Variants in MCMDC2 observed in about 807,000 individuals in gnomAD.
MCMDC2 encodes minichromosome maintenance domain containing 2, also known as minichromosome maintenance domain-containing protein 2.
Under a neutral mutation model 75.8 loss-of-function variants are expected in MCMDC2, and 54 were observed. That is an observed-to-expected ratio of 0.71 (90% confidence interval 0.57 to 0.89). The LOEUF is 0.89. Ranked by LOEUF, MCMDC2 falls within the 40% of genes least tolerant of loss-of-function variation. The pLI is 0.00. For synonymous variants in MCMDC2, 249 were observed against 274.6 expected (o/e 0.91, Z 0.92); for missense variants, 656 against 780.4 (o/e 0.84, Z 1.90).
At chr8:66,917,130 A>G (rs2130873611) in intron 14 of MCMDC2, among the ~76,000 whole-genome samples, 1 of 152,272 alleles carries the variant, frequency 6.6e-6, no homozygotes, top group East Asian at 1.9e-4. Flanking sequence ...GTGTCTTGTG[A>G]CACTATGTAT....
At position 66,878,595 on chromosome 8, in the gene MCMDC2, A is replaced by C; in HGVS notation, c.503A>C (p.His168Pro). 6.3e-7 allele frequency: 1 copy of C among 1,578,484 alleles called. No individual in the cohort carries two copies. Among genetic ancestry groups the C allele is most frequent in the Non-Finnish European group, 8.6e-7 (1 of 1,167,086 alleles). ...LSKGFQYIRVHVPGATESATI... is the reference protein window; with the variant it reads ...LSKGFQYIRVPVPGATESATI... Reference sequence around the variant, plus strand: ...TCAGGATTTCAGTATATAAGAGTGCATGTGCCTGGTGCTACAGAATCTGCA... The same window carrying C: ...TCAGGATTTCAGTATATAAGAGTGCCTGTGCCTGGTGCTACAGAATCTGCA... The change falls in exon 6 of 15, where the codon CAT becomes CCT. Residue 168 changes from histidine (H) to proline (P), a missense_variant. Transcript: ENST00000422365.
chr8:66,875,028 A>T (rs780773923), intron 4 of MCMDC2, among the ~76,000 whole-genome samples: 9 of 152,192 alleles, frequency 5.9e-5, no homozygotes, highest in Non-Finnish European at 1.0e-4. Flanking sequence ...TGCTGGGATT[A>T]CAGGCGTGAG....
At chr8:66,912,283 G>A (rs1264390811) in intron 14 of MCMDC2, among the ~76,000 whole-genome samples, 2 of 152,208 alleles carry the variant, frequency 1.3e-5, no homozygotes, top group East Asian at 1.9e-4. Flanking sequence ...CTGAAGATGT[G>A]ACTTAATTGC....
At chr8:66,893,208 A>T (rs1162155936) in intron 10 of MCMDC2, among the ~76,000 whole-genome samples, 3 of 152,186 alleles carry the variant, frequency 2.0e-5, no homozygotes, top group African/African-American at 7.2e-5. Flanking sequence ...GCTTCACTTT[A>T]TAAGAGAATG....
At chr8:66,901,604 G>A (rs1812663452) in intron 13 of MCMDC2, 1 of 1,137,358 alleles carries the variant, frequency 8.8e-7, no homozygotes, top group Non-Finnish European at 1.1e-6. Context: ...TGGGAAAAGT[G>A]CACTGATTTC....
intron 1 of MCMDC2, among the ~76,000 whole-genome samples, chr8:66,872,268 A>T (rs1403689322): frequency 1.3e-5 from 2 of 152,102 alleles, no homozygotes; most frequent in Non-Finnish European, 2.9e-5. Flanking sequence ...GTGGAAGGTG[A>T]CCTCCATCTC....
chr8:66,898,973 A>C (rs776998808), intron 12 of MCMDC2, among the ~76,000 whole-genome samples: 1 of 152,280 alleles, frequency 6.6e-6, no homozygotes, highest in Non-Finnish European at 1.5e-5. Context: ...TTGCACAGGC[A>C]AAAGATTTTA....
intron 14 of MCMDC2, among the ~76,000 whole-genome samples, chr8:66,913,740 G>T (rs752554839): frequency 2.6e-5 from 4 of 151,302 alleles, no homozygotes; most frequent in Non-Finnish European, 5.9e-5. Flanking sequence ...CCGGGGCAGC[G>T]GATCACTTGA....
At chr8:66,881,318 G>A (rs888510394) in intron 8 of MCMDC2, among the ~76,000 whole-genome samples, 14 of 152,160 alleles carry the variant, frequency 9.2e-5, no homozygotes, top group Admixed American at 3.9e-4. Flanking sequence ...TTAGAGATTA[G>A]TCAAAGGATT....
chr8:66,879,089 C>G (rs558743784), intron 7 of MCMDC2, among the ~76,000 whole-genome samples, 170 bp downstream of exon 7: 1 of 152,094 alleles, frequency 6.6e-6, no homozygotes, highest in South Asian at 2.1e-4. Flanking sequence ...GACCCCATCT[C>G]TACAAAAAAT....
chr8:66,888,467 G>T (rs1811947122), intron 9 of MCMDC2, among the ~76,000 whole-genome samples: 1 of 152,318 alleles, frequency 6.6e-6, no homozygotes, highest in South Asian at 2.1e-4. Flanking sequence ...ATTTTGGGCA[G>T]AATTAACATC....
chr8:66,877,049 G>A (rs1490387886), intron 4 of MCMDC2, among the ~76,000 whole-genome samples: 11 of 152,030 alleles, frequency 7.2e-5, no homozygotes, highest in Non-Finnish European at 1.0e-4. Flanking sequence ...GTGAGCCACC[G>A]TGCCCGGCCC....
chr8:66,905,267 A>G lies in MCMDC2; in HGVS notation c.1811A>G (p.Asn604Ser). ...GCCCATGCACGACTGAACTTAAGGA[A>G]CAAAGTGCTTAAAGAAGATGTGCTG... is the stretch of plus-strand genomic sequence containing the variant. ...SEAHARLNLR[N>S]KVLKEDVLIA... The change falls in exon 14 of 15, where the codon AAC becomes AGC. Residue 604 changes from asparagine to serine, a missense_variant. Transcript: ENST00000422365. The G allele has an allele frequency of 6.7e-7, 1 of 1,502,146 alleles. No homozygotes were observed. Among genetic ancestry groups the G allele is most frequent in the Non-Finnish European group, 8.9e-7 (1 of 1,122,430 alleles). The allele number at this position is 1,502,146 out of a possible 1,614,324, so 93.1% of individuals were successfully genotyped here.
rs535302776 is a variant in MCMDC2 at position 66,876,452 on chromosome 8, T to C, written c.286-897T>C. ...TGAACTTTTAAATATATATGGTATG[T>C]TTCAGTGAATCTTTGTCATTCCTTT... On this transcript the variant is annotated intron_variant, in intron 4 of 14. Coordinates refer to ENST00000422365, the MANE Select transcript of MCMDC2 (RefSeq NM_173518.5). 2.2e-4 allele frequency among the ~76,000 whole-genome samples: 34 copies of C among 152,292 alleles called. No homozygotes were observed. The Middle Eastern group carries it at 0.024, about 107-fold the overall frequency.
intron 8 of MCMDC2, 49 bp downstream of exon 8, chr8:66,881,023 C>A (rs1376771418): frequency 1.5e-6 from 2 of 1,320,902 alleles, no homozygotes; most frequent in Non-Finnish European, 2.0e-6. Flanking sequence ...AAATTTAAAT[C>A]TATTTGTTCA....
Position 66,905,233 on chromosome 8 carries a change from C to T in MCMDC2, c.1777C>T (p.Leu593=). 1 of 1,425,436 alleles carries T rather than the reference C, an allele frequency of 7.0e-7. No homozygotes were observed. The highest frequency in any genetic ancestry group is 2.7e-5 in the East Asian group (1 of 36,794). 88.3% of individuals were successfully genotyped at this position (1,425,436 alleles called of 1,614,324 possible). A position where few individuals can be genotyped will look rare whatever the true frequency, so the allele number is the denominator to read the frequency against. The stretch of plus-strand genomic sequence containing the variant: ...AACTATTTTCTTTTTTAGCGTTTTC[C>T]TATCTGAAGCCCATGCACGACTGAA... ...SASALKYLVF[L]SEAHARLNLR... The change falls in exon 14 of 15, where the codon CTA becomes TTA. Residue 593 remains leucine (L), a synonymous_variant. Coordinates refer to ENST00000422365, the MANE Select transcript of MCMDC2 (RefSeq NM_173518.5).
At chr8:66,916,080 C>T (rs1813305753) in intron 14 of MCMDC2, among the ~76,000 whole-genome samples, 1 of 151,454 alleles carries the variant, frequency 6.6e-6, no homozygotes, top group African/African-American at 2.4e-5. Context: ...CATAGACAAA[C>T]TATGAAGATG....
chr8:66,897,037 G>T, intron 12 of MCMDC2, 78 bp downstream of exon 12: 1 of 1,302,036 alleles, frequency 7.7e-7, no homozygotes, highest in African/African-American at 1.5e-5. Flanking sequence ...TTTGAGTGCT[G>T]GATTTTCTTT....
At chr8:66,906,684 A>T (rs1457368081) in intron 14 of MCMDC2, among the ~76,000 whole-genome samples, 1 of 152,002 alleles carries the variant, frequency 6.6e-6, no homozygotes, top group African/African-American at 2.4e-5. Context: ...CCAATACTAA[A>T]TAATAGTTAG....
Sources: allele counts gnomAD v4.1 joint callset (sites outside exome capture counted in the v4.1 genomes callset), GRCh38; gene constraint gnomAD v4.1.1; transcripts MANE v1.5; gene names NCBI Gene and HGNC (gene_info 2026-07-23, HGNC 2026-07-21).